The following ADAMTS6 variants were observed in gnomAD, a reference collection of about 807,000 sequenced individuals.
ADAMTS6 encodes ADAM metallopeptidase with thrombospondin type 1 motif 6, also known as A disintegrin and metalloproteinase with thrombospondin motifs 6.
Under a neutral mutation model 144.3 loss-of-function variants are expected in ADAMTS6, and 23 were observed. That is an observed-to-expected ratio of 0.16 (90% confidence interval 0.11 to 0.23). ADAMTS6 has a LOEUF of 0.23. Ranked by LOEUF, ADAMTS6 falls within the 10% of genes least tolerant of loss-of-function variation. ADAMTS6 has a pLI of 1.00. For missense variants in ADAMTS6, 999 were observed against 1,379.6 expected, an observed-to-expected ratio of 0.72 and a Z score of 4.37; for synonymous variants, 444 against 457.5, an observed-to-expected ratio of 0.97 and a Z score of 0.38.
chr5:65,169,683 A>T (rs1173016048), intron 24 of ADAMTS6, among the ~76,000 whole-genome samples: 4 of 151,228 alleles, frequency 2.6e-5, no homozygotes, highest in Non-Finnish European at 5.9e-5. Flanking sequence ...TGGCACATAT[A>T]CACCATGGAA....
chr5:65,389,134 G>A (rs2150145450), intron 7 of ADAMTS6, among the ~76,000 whole-genome samples: 1 of 152,272 alleles, frequency 6.6e-6, no homozygotes, highest in Non-Finnish European at 1.5e-5. Context: ...AACCCGGGAG[G>A]CGGAGCTTGC....
At chr5:65,393,857 C>A (rs181694575) in intron 7 of ADAMTS6, among the ~76,000 whole-genome samples, 1 of 152,254 alleles carries the variant, frequency 6.6e-6, no homozygotes, top group African/African-American at 2.4e-5. Flanking sequence ...AAGAGGAGTT[C>A]TGTTACTTTT....
At chr5:65,164,374 G>A (rs1335006499) in intron 24 of ADAMTS6, among the ~76,000 whole-genome samples, 3 of 152,188 alleles carry the variant, frequency 2.0e-5, no homozygotes, top group South Asian at 2.1e-4. Context: ...TGGCTCGGAG[G>A]GTCCTACGCC....
chr5:65,227,915 G>A (rs1757846455), intron 15 of ADAMTS6, among the ~76,000 whole-genome samples: 2 of 152,044 alleles, frequency 1.3e-5, no homozygotes, highest in Non-Finnish European at 2.9e-5. Context: ...GCCAACTTAC[G>A]ACCTCTGGCC....
At chr5:65,376,800 C>T (rs1449632771) in intron 7 of ADAMTS6, among the ~76,000 whole-genome samples, 3 of 151,822 alleles carry the variant, frequency 2.0e-5, no homozygotes, top group African/African-American at 7.3e-5. Flanking sequence ...CAGCACTGCA[C>T]TCAAGCCCAG....
Position 65,291,516 on chromosome 5 carries a change from A to G in ADAMTS6, c.1371-46T>C. On this transcript the variant is annotated intron_variant, in intron 10 of 24. Transcript: ENST00000381055. Reference sequence around the variant, plus strand: ...AAGGAAATTAGGTATTCTATGGGCTATTTTAGTCACAATTATGAAACCACG... The same window carrying G: ...AAGGAAATTAGGTATTCTATGGGCTGTTTTAGTCACAATTATGAAACCACG... 2.6e-6 allele frequency: 4 copies of G among 1,541,574 alleles called. No homozygotes were observed. In the South Asian group the frequency reaches 3.8e-5, roughly 15 times the overall value.
chr5:65,263,845 GT>G (rs1352899073), intron 12 of ADAMTS6, among the ~76,000 whole-genome samples: 1 of 152,146 alleles, frequency 6.6e-6, no homozygotes, highest in African/African-American at 2.4e-5. Flanking sequence ...AAAGTCATTT[GT>G]TTATATGAAT....
chr5:65,348,812 CAAT>C (rs1748584791), intron 7 of ADAMTS6, among the ~76,000 whole-genome samples: 1 of 150,606 alleles, frequency 6.6e-6, no homozygotes, highest in South Asian at 2.1e-4. Flanking sequence ...TGTCAATATA[CAAT>C]AAAAACAATA....
chr5:65,431,915 T>C (rs974055570), intron 7 of ADAMTS6, among the ~76,000 whole-genome samples: 1 of 152,054 alleles, frequency 6.6e-6, no homozygotes, highest in Non-Finnish European at 1.5e-5. Flanking sequence ...TATACTTAAC[T>C]ATAGATGGTA....
At chr5:65,157,009 G>T (rs1436422700) in intron 24 of ADAMTS6, among the ~76,000 whole-genome samples, 2 of 152,232 alleles carry the variant, frequency 1.3e-5, no homozygotes, top group Non-Finnish European at 2.9e-5. Context: ...GAGACTTCTG[G>T]TGGGAATGAC....
intron 7 of ADAMTS6, among the ~76,000 whole-genome samples, chr5:65,413,781 C>T (rs924962972): frequency 6.6e-6 from 1 of 152,004 alleles, no homozygotes; most frequent in Non-Finnish European, 1.5e-5. Flanking sequence ...CTGAAGATTG[C>T]TACTCTACTG....
chr5:65,205,916 A>G (rs892690541), intron 20 of ADAMTS6, among the ~76,000 whole-genome samples: 4 of 152,206 alleles, frequency 2.6e-5, no homozygotes, highest in Admixed American at 2.0e-4. Context: ...TAGATATGAG[A>G]AATTTACATA....
intron 15 of ADAMTS6, among the ~76,000 whole-genome samples, chr5:65,229,481 G>A (rs1279225892): frequency 6.6e-6 from 1 of 152,032 alleles, no homozygotes; most frequent in Non-Finnish European, 1.5e-5. Flanking sequence ...CTCTATGAAT[G>A]GCATGAAAAA....
chr5:65,221,734 T>G (rs548631651), intron 18 of ADAMTS6, among the ~76,000 whole-genome samples: 1 of 152,198 alleles, frequency 6.6e-6, no homozygotes, highest in East Asian at 1.9e-4. Flanking sequence ...TGATAATCTA[T>G]AGAGAAAATC....
intron 21 of ADAMTS6, among the ~76,000 whole-genome samples, chr5:65,196,161 TACA>T (rs1202694556): frequency 6.6e-6 from 1 of 152,202 alleles, no homozygotes; most frequent in Non-Finnish European, 1.5e-5. Context: ...TAGGATGCCT[TACA>T]ACAACAGAAC....
intron 7 of ADAMTS6, among the ~76,000 whole-genome samples, chr5:65,410,320 T>C (rs942869818): frequency 3.3e-5 from 5 of 152,202 alleles, no homozygotes; most frequent in Admixed American, 6.6e-5. Flanking sequence ...ACAGTTTACA[T>C]TGAGCTACTC....
intron 4 of ADAMTS6, among the ~76,000 whole-genome samples, chr5:65,454,159 A>T (rs960578667): frequency 6.6e-6 from 1 of 152,164 alleles, no homozygotes; most frequent in African/African-American, 2.4e-5. Flanking sequence ...GCCTTCCTCC[A>T]TGAGACGACC....
chr5:65,275,308 T>C (rs1423509170), intron 11 of ADAMTS6, among the ~76,000 whole-genome samples: 2 of 89,084 alleles, frequency 2.2e-5, no homozygotes, highest in Non-Finnish European at 4.3e-5. Context: ...AGGGAAGGGA[T>C]GGAAAGAAAG....
intron 20 of ADAMTS6, among the ~76,000 whole-genome samples, chr5:65,198,085 A>T (rs915407578): frequency 6.6e-6 from 1 of 152,208 alleles, no homozygotes; most frequent in African/African-American, 2.4e-5. Flanking sequence ...TCAAGATATC[A>T]AAGAGAAACA....
Sources: gnomAD v4.1 joint callset for allele counts (sites outside exome capture counted in the v4.1 genomes callset) on GRCh38, gnomAD v4.1.1 for gene constraint, MANE v1.5 for transcripts, NCBI Gene and HGNC (gene_info 2026-07-23, HGNC 2026-07-21) for gene names.